The following EXOC4 variants were observed in gnomAD, a reference collection of about 807,000 sequenced individuals.
EXOC4 encodes the protein exocyst complex component 4.
In EXOC4, 71 loss-of-function variants were observed where a neutral mutation model predicts 107.2. That is an observed-to-expected ratio of 0.66 (90% CI 0.55 to 0.81). EXOC4 has a LOEUF of 0.81. Ranked by LOEUF, EXOC4 falls within the 30% of genes least tolerant of loss-of-function variation. The pLI is 0.00. For synonymous variants in EXOC4, 456 were observed against 441.2 expected, an observed-to-expected ratio of 1.03 and a Z score of -0.42; for missense variants, 1,108 against 1,189.6, an observed-to-expected ratio of 0.93 and a Z score of 1.01.
chr7:133,986,435 C>T (rs1794115240), intron 14 of EXOC4, among the ~76,000 whole-genome samples: 1 of 152,054 alleles, frequency 6.6e-6, no homozygotes, highest in South Asian at 2.1e-4. Flanking sequence ...TGGCAGAAGC[C>T]AAGTACTGTT....
chr7:133,869,541 G>C (rs141106156), intron 11 of EXOC4, among the ~76,000 whole-genome samples: 4 of 152,258 alleles, frequency 2.6e-5, no homozygotes, highest in African/African-American at 9.6e-5. Flanking sequence ...CATCTCCATA[G>C]CATAGTGCAT....
chr7:133,812,385 G>A (rs1362870790), intron 10 of EXOC4, among the ~76,000 whole-genome samples: 1 of 152,116 alleles, frequency 6.6e-6, no homozygotes, highest in African/African-American at 2.4e-5. Flanking sequence ...AGCCAAGAGA[G>A]GCTAAGTAAC....
intron 7 of EXOC4, among the ~76,000 whole-genome samples, chr7:133,415,818 A>T (rs1160208190): frequency 6.6e-6 from 1 of 152,200 alleles, no homozygotes; most frequent in East Asian, 1.9e-4. Flanking sequence ...TCAAAATAAT[A>T]GTTGTTGTAA....
At chr7:133,354,094 A>G (rs534516364) in intron 5 of EXOC4, among the ~76,000 whole-genome samples, 2 of 152,058 alleles carry the variant, frequency 1.3e-5, no homozygotes, top group Admixed American at 6.6e-5. Context: ...AAAACTTTTT[A>G]AAAGTTTTTT....
chr7:133,632,623 G>T (rs1802617181), intron 10 of EXOC4, among the ~76,000 whole-genome samples: 1 of 152,066 alleles, frequency 6.6e-6, no homozygotes, highest in South Asian at 2.1e-4. Flanking sequence ...TTTTTGTAAT[G>T]AAACGAACCA....
chr7:133,577,368 C>CCT (rs532333398), intron 9 of EXOC4, among the ~76,000 whole-genome samples: 86 of 152,258 alleles, frequency 5.6e-4, no homozygotes, highest in African/African-American at 2.0e-3. Flanking sequence ...TCCTGTATCA[C>CCT]CTCTCTCTCA....
rs547293107 is a variant in EXOC4 at position 133,604,618 on chromosome 7, C to T, written c.1418-25427C>T. ...TCTTTTCTTTGAGTTCTGAACTTGACACACTTGGTACTGCTCCTTCAGCTC... is the reference window on the plus strand; with the variant it reads ...TCTTTTCTTTGAGTTCTGAACTTGATACACTTGGTACTGCTCCTTCAGCTC... On this transcript the variant is annotated intron_variant, in intron 9 of 17. Coordinates refer to ENST00000253861, the MANE Select transcript of EXOC4 (RefSeq NM_021807.4). Among the ~76,000 whole-genome samples, 152 of 150,856 alleles carry T rather than the reference C, an allele frequency of 1.0e-3. 6 individuals are homozygous for T. In the South Asian group the frequency reaches 0.03, roughly 30 times the overall value.
intron 9 of EXOC4, among the ~76,000 whole-genome samples, chr7:133,482,013 C>G (rs1176201274): frequency 6.6e-6 from 1 of 152,204 alleles, no homozygotes; most frequent in Non-Finnish European, 1.5e-5. Context: ...ATCTTCCACA[C>G]TCACGGTATC....
intron 10 of EXOC4, among the ~76,000 whole-genome samples, chr7:133,708,103 G>C (rs1428241856): frequency 2.0e-5 from 3 of 152,182 alleles, no homozygotes; most frequent in Non-Finnish European, 4.4e-5. Context: ...GAAGTTGGAA[G>C]TAGGAGTACT....
chr7:133,854,963 G>C (rs893641979), intron 11 of EXOC4, among the ~76,000 whole-genome samples: 2 of 146,460 alleles, frequency 1.4e-5, no homozygotes. Flanking sequence ...GCAAGTAGAT[G>C]ACACAGTGCT....
chr7:133,839,455 T>G (rs1797982224), intron 11 of EXOC4, among the ~76,000 whole-genome samples: 1 of 152,226 alleles, frequency 6.6e-6, no homozygotes, highest in African/African-American at 2.4e-5. Flanking sequence ...CTTTGAAGAT[T>G]GTGCTCTGGT....
intron 11 of EXOC4, among the ~76,000 whole-genome samples, chr7:133,847,093 T>C (rs942725325): frequency 2.0e-5 from 3 of 152,218 alleles, no homozygotes; most frequent in African/African-American, 7.2e-5. Flanking sequence ...TGCTACATAA[T>C]GATTAAGGTA....
intron 9 of EXOC4, among the ~76,000 whole-genome samples, chr7:133,507,405 C>T (rs560769349): frequency 2.0e-5 from 3 of 152,240 alleles, no homozygotes; most frequent in African/African-American, 4.8e-5. Context: ...ATCATAGTAT[C>T]CTTCTGGATA....
chr7:133,974,589 A>G (rs541653600), intron 14 of EXOC4, among the ~76,000 whole-genome samples: 13 of 152,340 alleles, frequency 8.5e-5, no homozygotes, highest in African/African-American at 2.4e-4. Context: ...AGAAGCAGCA[A>G]CATGGACTCA....
chr7:133,572,552 C>T (rs1203671574), intron 9 of EXOC4, among the ~76,000 whole-genome samples: 1 of 151,958 alleles, frequency 6.6e-6, no homozygotes, highest in Non-Finnish European at 1.5e-5. Context: ...GATAGTCTTC[C>T]TGTGTGTACA....
At chr7:133,555,231 A>G (rs1800669142) in intron 9 of EXOC4, among the ~76,000 whole-genome samples, 1 of 152,230 alleles carries the variant, frequency 6.6e-6, no homozygotes, top group Non-Finnish European at 1.5e-5. Flanking sequence ...TGTAATGGTT[A>G]AGAAGATGGT....
Position 133,823,911 on chromosome 7 carries a change from A to AT in EXOC4, c.1734+6367_1734+6368insT, listed in dbSNP as rs1491394225. 1.8e-4 allele frequency among the ~76,000 whole-genome samples: 5 copies of AT among 28,264 alleles called. 1 individual carries two copies. The highest frequency in any genetic ancestry group is 2.7e-4 in the Non-Finnish European group (5 of 18,580). 18.5% of individuals were successfully genotyped at this position (28,264 alleles called of 152,430 possible). A position where few individuals can be genotyped will look rare whatever the true frequency, so the allele number is the denominator to read the frequency against. Reference sequence around the variant, plus strand: ...ATATATATTTTATATATATATATATAAATATATATATAAATTATATATATA... The same window carrying AT: ...ATATATATTTTATATATATATATATATAATATATATATAAATTATATATATA... On this transcript the variant is annotated intron_variant, in intron 11 of 17. Coordinates refer to ENST00000253861, the MANE Select transcript of EXOC4 (RefSeq NM_021807.4).
chr7:133,649,617 A>G (rs1370173834), intron 10 of EXOC4, among the ~76,000 whole-genome samples: 1 of 152,060 alleles, frequency 6.6e-6, no homozygotes. Context: ...TAATACTTTC[A>G]GTCACCACCT....
chr7:133,810,981 C>A (rs1044921089), intron 10 of EXOC4, among the ~76,000 whole-genome samples: 1 of 152,070 alleles, frequency 6.6e-6, no homozygotes, highest in Non-Finnish European at 1.5e-5. Context: ...GTTGCGTACT[C>A]GCATTTTTTG....
Sources: allele counts gnomAD v4.1 joint callset (sites outside exome capture counted in the v4.1 genomes callset), GRCh38; gene constraint gnomAD v4.1.1; transcripts MANE v1.5; gene names NCBI Gene and HGNC (gene_info 2026-07-23, HGNC 2026-07-21).